Variants in TAFA2 observed in about 807,000 individuals in gnomAD.
TAFA2 encodes TAFA chemokine like family member 2.
Under a neutral mutation model 18.8 loss-of-function variants are expected in TAFA2, and 7 were observed. The observed-to-expected ratio is 0.37, with a 90% CI of 0.21 to 0.70. The LOEUF (loss-of-function observed/expected upper bound fraction) is 0.70, where lower values mean the gene tolerates loss of function less well. Among genes scored for constraint, TAFA2 ranks in the 30% least tolerant of loss-of-function variants. TAFA2 has a pLI of 0.53. For missense variants in TAFA2, 122 were observed against 158.1 expected (o/e 0.77, Z 1.23); for synonymous variants, 60 against 54.2 (o/e 1.11, Z -0.47).
At chr12:61,950,848 C>A (rs117009008) in intron 1 of TAFA2, among the ~76,000 whole-genome samples, 2,896 of 151,998 alleles carry the variant, frequency 0.019, 38 homozygotes, top group Middle Eastern at 0.058. Context: ...GATCTAAAAG[C>A]AAAAAATAAA....
rs182366958 is a variant in TAFA2 at position 61,930,242 on chromosome 12, C to G, written c.-1-62816G>C. On this transcript the variant is annotated intron_variant, in intron 1 of 4. Coordinates refer to ENST00000416284, the MANE Select transcript of TAFA2 (RefSeq NM_178539.5). ...GTTTACACAAAATAGACTTAAGTTT[C>G]AAACCAAAAGGGACTGCATAACCAT... 7.2e-5 allele frequency among the ~76,000 whole-genome samples: 11 copies of G among 152,138 alleles called. No individual in the cohort carries two copies. The East Asian group carries it at 2.1e-3, about 29-fold the overall frequency.
At chr12:61,784,056 T>C (rs1320880297) in intron 2 of TAFA2, among the ~76,000 whole-genome samples, 4 of 151,472 alleles carry the variant, frequency 2.6e-5, no homozygotes, top group Admixed American at 6.6e-5. Flanking sequence ...CTATATTTTG[T>C]CCCCAAGGTT....
At chr12:62,113,687 TG>T (rs1869835127) in intron 1 of TAFA2, among the ~76,000 whole-genome samples, 1 of 152,150 alleles carries the variant, frequency 6.6e-6, no homozygotes, top group Admixed American at 6.5e-5. Context: ...AGAGATGCCC[TG>T]CCCAGAGAGG....
At chr12:61,724,149 T>C (rs184061316) in intron 4 of TAFA2, among the ~76,000 whole-genome samples, 88 of 152,254 alleles carry the variant, frequency 5.8e-4, no homozygotes, top group African/African-American at 2.0e-3. Context: ...TCTCTCCTGC[T>C]TTATTTTTCC....
intron 1 of TAFA2, among the ~76,000 whole-genome samples, chr12:61,954,444 T>A (rs980009719): frequency 6.6e-6 from 1 of 152,136 alleles, no homozygotes; most frequent in Non-Finnish European, 1.5e-5. Context: ...TAATTTAAAG[T>A]TAATTGCTTG....
intron 1 of TAFA2, among the ~76,000 whole-genome samples, chr12:61,915,098 T>A (rs907954634): frequency 2.0e-5 from 3 of 151,954 alleles, no homozygotes; most frequent in African/African-American, 7.3e-5. Context: ...GAGGTGGAGG[T>A]TGTGGTGAGC....
chr12:61,867,583 G>A (rs183939086), intron 1 of TAFA2, among the ~76,000 whole-genome samples, 157 bp from the exon 2 acceptor site: 3 of 152,104 alleles, frequency 2.0e-5, no homozygotes, highest in South Asian at 4.1e-4. Context: ...GTATACAAAC[G>A]ATGATCAGAG....
chr12:62,154,365 C>T (rs544504371), intron 1 of TAFA2, among the ~76,000 whole-genome samples: 4 of 152,168 alleles, frequency 2.6e-5, no homozygotes, highest in Non-Finnish European at 5.9e-5. Flanking sequence ...AGATCAGAGT[C>T]AGGCTTCCAC....
At chr12:62,170,534 T>C (rs540463661) in intron 1 of TAFA2, among the ~76,000 whole-genome samples, 1 of 152,300 alleles carries the variant, frequency 6.6e-6, no homozygotes, top group Non-Finnish European at 1.5e-5. Flanking sequence ...TGTGCCAGAG[T>C]TATGTGTGTG....
chr12:61,870,072 A>C (rs1213898732), intron 1 of TAFA2, among the ~76,000 whole-genome samples: 1 of 152,202 alleles, frequency 6.6e-6, no homozygotes, highest in Admixed American at 6.5e-5. Context: ...AGACATATGG[A>C]AACAGAAGCA....
chr12:61,797,948 CAT>C (rs1418780760), intron 2 of TAFA2, among the ~76,000 whole-genome samples: 2 of 152,130 alleles, frequency 1.3e-5, no homozygotes, highest in African/African-American at 4.8e-5. Flanking sequence ...AGTGTCTACT[CAT>C]ATAGAAATGA....
At chr12:61,873,941 C>T (rs1874730785) in intron 1 of TAFA2, among the ~76,000 whole-genome samples, 1 of 152,068 alleles carries the variant, frequency 6.6e-6, no homozygotes, top group Non-Finnish European at 1.5e-5. Flanking sequence ...TATACAGTAA[C>T]AAATTAGGAG....
At chr12:61,953,382 C>T (rs1878536546) in intron 1 of TAFA2, among the ~76,000 whole-genome samples, 1 of 152,092 alleles carries the variant, frequency 6.6e-6, no homozygotes, top group Admixed American at 6.6e-5. Context: ...TAAATACCAA[C>T]TTCCAAGTCA....
intron 1 of TAFA2, among the ~76,000 whole-genome samples, chr12:62,026,566 A>C (rs1881316952): frequency 6.6e-6 from 1 of 152,064 alleles, no homozygotes; most frequent in Non-Finnish European, 1.5e-5. Flanking sequence ...TTTCTCACAA[A>C]CAGCTCTGAT....
chr12:62,020,792 AT>A (rs11311911), intron 1 of TAFA2, among the ~76,000 whole-genome samples: 19,544 of 152,120 alleles, frequency 0.13, 1,511 homozygotes, highest in African/African-American at 0.21. Context: ...GGATTGGCAG[AT>A]ATCACAATGG....
chr12:61,985,208 T>G (rs540452581), intron 1 of TAFA2, among the ~76,000 whole-genome samples: 4 of 152,360 alleles, frequency 2.6e-5, no homozygotes, highest in African/African-American at 7.2e-5. Flanking sequence ...AAGGAAACGC[T>G]GGACATGCTG....
intron 1 of TAFA2, among the ~76,000 whole-genome samples, chr12:61,943,273 A>T (rs1331641103): frequency 2.7e-5 from 4 of 146,980 alleles, no homozygotes; most frequent in Non-Finnish European, 6.1e-5. Flanking sequence ...TGTCACCACC[A>T]GGCCTGCCCT....
At chr12:62,044,087 A>G (rs2136764198) in intron 1 of TAFA2, among the ~76,000 whole-genome samples, 1 of 152,124 alleles carries the variant, frequency 6.6e-6, no homozygotes, top group African/African-American at 2.4e-5. Flanking sequence ...TCAGACATAG[A>G]GGTATTTGAG....
chr12:62,187,141 A>G (rs2062591465), intron 1 of TAFA2, among the ~76,000 whole-genome samples: 1 of 152,184 alleles, frequency 6.6e-6, no homozygotes, highest in Non-Finnish European at 1.5e-5. Flanking sequence ...GCACACAGAT[A>G]TGTTCAGCGT....
Sources: allele counts gnomAD v4.1 joint callset (sites outside exome capture counted in the v4.1 genomes callset), GRCh38; gene constraint gnomAD v4.1.1; transcripts MANE v1.5; gene names NCBI Gene and HGNC (gene_info 2026-07-23, HGNC 2026-07-21).